The following CCNB1IP1 variants were observed in gnomAD, a reference collection of about 807,000 sequenced individuals.
The protein encoded by CCNB1IP1 is E3 ubiquitin-protein ligase CCNB1IP1.
In CCNB1IP1, 14 loss-of-function variants were observed where a neutral mutation model predicts 25.6. That is an observed-to-expected ratio of 0.55 (90% CI 0.36 to 0.85). The LOEUF is 0.85. CCNB1IP1 is among the 40% of genes least tolerant of loss of function. The pLI is 0.01. For missense variants in CCNB1IP1, 278 were observed against 342.4 expected (o/e 0.81, Z 1.48); for synonymous variants, 119 against 116.1 (o/e 1.02, Z -0.16).
At chr14:20,317,516 C>G (rs993400314) in intron 4 of CCNB1IP1, 3 of 152,318 alleles carry the variant, frequency 2.0e-5, no homozygotes, top group African/African-American at 7.2e-5. Flanking sequence ...CTGGCAGCCA[C>G]AGTTAAGATT....
At chr14:20,315,555 G>GAT (rs1046069537) in intron 5 of CCNB1IP1, 2 of 1,260,198 alleles carry the variant, frequency 1.6e-6, no homozygotes, top group African/African-American at 3.1e-5. Flanking sequence ...GTATATGTAA[G>GAT]ATATAACAAT....
chr14:20,317,275 G>C (rs928272918), intron 4 of CCNB1IP1, among the ~76,000 whole-genome samples: 1 of 150,246 alleles, frequency 6.7e-6, no homozygotes, highest in Non-Finnish European at 1.5e-5. Context: ...GTGTGGTGGC[G>C]GGCGCCTGTA....
intron 5 of CCNB1IP1, 30 bp downstream of exon 5, chr14:20,316,197 T>C (rs1295607881): frequency 1.9e-6 from 3 of 1,574,396 alleles, no homozygotes; most frequent in Middle Eastern, 1.7e-4. Flanking sequence ...ATAAATCACA[T>C]GCTCAAGAGA....
intron 4 of CCNB1IP1, among the ~76,000 whole-genome samples, 200 bp downstream of exon 4, chr14:20,325,339 T>A (rs1359219315): frequency 6.7e-6 from 1 of 148,288 alleles, no homozygotes; most frequent in Admixed American, 6.7e-5. Context: ...GAGAATGGCG[T>A]GAACCCGGGA....
At chr14:20,325,282 G>A (rs994372804) in intron 4 of CCNB1IP1, among the ~76,000 whole-genome samples, 3 of 151,316 alleles carry the variant, frequency 2.0e-5, no homozygotes, top group Admixed American at 6.6e-5. Flanking sequence ...TTAGCCGGGC[G>A]TAGTGGCGGG....
chr14:20,331,603 C>T lies in CCNB1IP1; in HGVS notation c.-431+1651G>A, dbSNP rs377501637. ...TCATTTGAGGGGGAAATATCAAGAT[C>T]ATAAACTATCTGAATACCTACTGAT... On this transcript the variant is annotated intron_variant, in intron 1 of 6. Coordinates refer to ENST00000358932, the MANE Select transcript of CCNB1IP1 (RefSeq NM_021178.5). Among the ~76,000 whole-genome samples the T allele has an allele frequency of 9.2e-5, 14 of 152,148 alleles. No homozygotes were observed. The East Asian group carries it at 2.3e-3, about 25-fold the overall frequency.
At chr14:20,324,162 A>G (rs560163341) in intron 4 of CCNB1IP1, among the ~76,000 whole-genome samples, 1 of 152,276 alleles carries the variant, frequency 6.6e-6, no homozygotes, top group Admixed American at 6.5e-5. Flanking sequence ...ATTAACAGAA[A>G]GATATATGAG....
chr14:20,326,675 T>C, intron 3 of CCNB1IP1, 41 bp downstream of exon 3: 2 of 315,396 alleles, frequency 6.3e-6, no homozygotes, highest in Middle Eastern at 8.2e-4. Flanking sequence ...TGATTAGAAA[T>C]CCAAATGAGG....
At chr14:20,314,822 T>A (rs1252391723) in intron 5 of CCNB1IP1, among the ~76,000 whole-genome samples, 1 of 151,800 alleles carries the variant, frequency 6.6e-6, no homozygotes, top group Admixed American at 6.6e-5. Flanking sequence ...CCGGGCGCGG[T>A]GGCTCATGCC....
intron 4 of CCNB1IP1, among the ~76,000 whole-genome samples, chr14:20,319,441 A>G (rs760189512): frequency 6.6e-6 from 1 of 152,226 alleles, no homozygotes; most frequent in Non-Finnish European, 1.5e-5. Flanking sequence ...ACTATGCCAA[A>G]TGTAGAAATA....
intron 1 of CCNB1IP1, among the ~76,000 whole-genome samples, chr14:20,330,295 G>C (rs1422637461): frequency 6.6e-6 from 1 of 151,918 alleles, no homozygotes; most frequent in Non-Finnish European, 1.5e-5. Flanking sequence ...TGGGTTCACA[G>C]GAACAAAAAG....
intron 4 of CCNB1IP1, among the ~76,000 whole-genome samples, chr14:20,324,831 C>CT (rs202129632): frequency 0.022 from 3,292 of 151,572 alleles, 45 homozygotes; most frequent in Non-Finnish European, 0.031. Context: ...TTAATTGACT[C>CT]TTTTTTTTGG....
At chr14:20,312,568 C>T (rs966615828) in intron 6 of CCNB1IP1, among the ~76,000 whole-genome samples, 2 of 151,964 alleles carry the variant, frequency 1.3e-5, no homozygotes, top group South Asian at 4.2e-4. Context: ...TAGTAAATAT[C>T]CAAAAATGAG....
chr14:20,329,163 GAC>G lies in CCNB1IP1; in HGVS notation c.-231+9_-231+10del, dbSNP rs1298051283. 3.3e-5 allele frequency: 5 copies of G among 152,334 alleles called. No individual in the cohort carries two copies. Among genetic ancestry groups the G allele is most frequent in the African/African-American group, 1.2e-4 (5 of 41,582 alleles). The allele number at this position is 152,334 out of a possible 1,614,324, so 9.4% of individuals were successfully genotyped here. A position where few individuals can be genotyped will look rare whatever the true frequency, so the allele number is the denominator to read the frequency against. ...TAAGCTAGGCTTTTTAGATAGGAAA[GAC>G]ACACATACGTGTAATGAAGAGAACT... On this transcript the variant is annotated intron_variant, in intron 2 of 6. Transcript: ENST00000358932.
intron 4 of CCNB1IP1, among the ~76,000 whole-genome samples, chr14:20,321,515 C>G (rs916260188): frequency 6.6e-6 from 1 of 151,802 alleles, no homozygotes; most frequent in African/African-American, 2.4e-5. Flanking sequence ...TGCAGTGGCA[C>G]GATCTCAGCT....
intron 4 of CCNB1IP1, among the ~76,000 whole-genome samples, chr14:20,322,623 T>TAA (rs1555313698): frequency 0.06 from 6,123 of 102,350 alleles, 310 homozygotes; most frequent in African/African-American, 0.17. Context: ...ATATATATAA[T>TAA]TTTTTTTTTT....
chr14:20,312,760 T>C (rs1882542508), intron 6 of CCNB1IP1, among the ~76,000 whole-genome samples: 1 of 151,256 alleles, frequency 6.6e-6, no homozygotes, highest in South Asian at 2.1e-4. Flanking sequence ...AGAGATGGCA[T>C]CATACTAGAT....
Position 20,312,609 on chromosome 14 carries a change from C to T in CCNB1IP1, c.632-857G>A, listed in dbSNP as rs182662057. On this transcript the variant is annotated intron_variant, in intron 6 of 6. Coordinates refer to ENST00000358932, the MANE Select transcript of CCNB1IP1 (RefSeq NM_021178.5). The stretch of plus-strand genomic sequence containing the variant: ...GGAAAGTCCAGCACAAGAGGCTTCA[C>T]TTTTTTGTATGCCAAAAACAATTTC... Among the ~76,000 whole-genome samples the T allele has an allele frequency of 2.5e-3, 381 of 152,112 alleles. 5 individuals carry two copies. The highest frequency in any genetic ancestry group is 0.022 in the Admixed American group (342 of 15,256).
chr14:20,328,135 T>C (rs1278902928), intron 2 of CCNB1IP1, among the ~76,000 whole-genome samples: 3 of 152,224 alleles, frequency 2.0e-5, no homozygotes, highest in Admixed American at 1.3e-4. Context: ...ATTTGTATCA[T>C]TTAAATTTTA....
Sources: allele counts gnomAD v4.1 joint callset (sites outside exome capture counted in the v4.1 genomes callset), GRCh38; gene constraint gnomAD v4.1.1; transcripts MANE v1.5; gene names NCBI Gene and HGNC (gene_info 2026-07-23, HGNC 2026-07-21).